The following DPP10 variants were observed in gnomAD, a reference collection of about 807,000 sequenced individuals.
DPP10 encodes the protein dipeptidyl peptidase like 10.
Under a neutral mutation model 120.9 loss-of-function variants are expected in DPP10, and 33 were observed. The ratio of observed to expected loss-of-function variants is 0.27; its 90% CI spans 0.21 to 0.37. DPP10 has a LOEUF of 0.37. Among genes scored for constraint, DPP10 ranks in the 10% least tolerant of loss-of-function variants. The probability of loss-of-function intolerance (pLI) is 1.00; values close to 1 mark genes in which losing one functional copy is unlikely to be tolerated. For missense variants in DPP10, 816 were observed against 942.8 expected, an observed-to-expected ratio of 0.87 and a Z score of 1.76; for synonymous variants, 337 against 326.1, an observed-to-expected ratio of 1.03 and a Z score of -0.36.
intron 1 of DPP10, among the ~76,000 whole-genome samples, chr2:114,728,321 G>C (rs60073272): frequency 1.3e-5 from 2 of 152,154 alleles, no homozygotes; most frequent in Admixed American, 1.3e-4. Flanking sequence ...TGGGACAGCA[G>C]AGACTTGTCA....
intron 1 of DPP10, among the ~76,000 whole-genome samples, chr2:114,823,961 T>A (rs536217435): frequency 3.3e-5 from 5 of 152,296 alleles, no homozygotes; most frequent in African/African-American, 1.2e-4. Flanking sequence ...GAGGAAGGCA[T>A]GTAGAATCAT....
At chr2:114,754,625 G>A (rs905536053) in intron 1 of DPP10, among the ~76,000 whole-genome samples, 2 of 152,142 alleles carry the variant, frequency 1.3e-5, no homozygotes, top group Non-Finnish European at 2.9e-5. Flanking sequence ...ATCTCAAAGG[G>A]TGGAGGCTGG....
At chr2:115,318,635 T>C (rs1206564524) in intron 2 of DPP10, among the ~76,000 whole-genome samples, 3 of 152,114 alleles carry the variant, frequency 2.0e-5, no homozygotes, top group Non-Finnish European at 1.5e-5. Flanking sequence ...AAGTTTTTCA[T>C]ACTTGGTTAA....
At position 114,560,849 on chromosome 2, in the gene DPP10, G is replaced by A. The variant is rs773460424; in HGVS notation, c.60+118011G>A. Among the ~76,000 whole-genome samples, 8 of 152,328 alleles carry A rather than the reference G, an allele frequency of 5.3e-5. 1 individual carries two copies. The East Asian group carries it at 1.2e-3, about 22-fold the overall frequency. On this transcript the variant is annotated intron_variant, in intron 1 of 25. Coordinates refer to ENST00000410059, the MANE Select transcript of DPP10 (RefSeq NM_020868.6). ...GGGTTCTATAAATGGGTCCACAAGC[G>A]TATGTTTGATTCACTATACTTCATG...
chr2:115,837,925 A>G (rs989622780), intron 24 of DPP10, among the ~76,000 whole-genome samples: 9 of 152,176 alleles, frequency 5.9e-5, no homozygotes, highest in Admixed American at 5.2e-4. Context: ...GGGATTCTGA[A>G]TGGAACCCTG....
intron 1 of DPP10, among the ~76,000 whole-genome samples, chr2:114,702,551 A>G (rs993732959): frequency 3.3e-4 from 50 of 152,100 alleles, no homozygotes; most frequent in African/African-American, 1.1e-3. Context: ...GAAAGATCAC[A>G]TGCTGCCCTG....
At chr2:115,790,180 C>A (rs113438976) in intron 17 of DPP10, among the ~76,000 whole-genome samples, 1 of 151,382 alleles carries the variant, frequency 6.6e-6, no homozygotes, top group South Asian at 2.1e-4. Flanking sequence ...CCCGGGTTCA[C>A]GCCATTCTCC....
chr2:114,982,775 ATT>A (rs112053500), intron 1 of DPP10, among the ~76,000 whole-genome samples: 2 of 139,648 alleles, frequency 1.4e-5, no homozygotes. Context: ...TAATTTTTGC[ATT>A]TTTTTTTTTT....
chr2:114,723,959 G>A (rs1032531830), intron 1 of DPP10, among the ~76,000 whole-genome samples: 12 of 152,084 alleles, frequency 7.9e-5, no homozygotes, highest in African/African-American at 2.2e-4. Context: ...AAAAGGATAG[G>A]CCCAACAAAA....
At chr2:115,181,144 T>G (rs1185423356) in intron 1 of DPP10, among the ~76,000 whole-genome samples, 1 of 152,170 alleles carries the variant, frequency 6.6e-6, no homozygotes, top group Non-Finnish European at 1.5e-5. Context: ...AAAAAATAAT[T>G]TACAGACAAA....
intron 1 of DPP10, among the ~76,000 whole-genome samples, chr2:114,709,794 C>T (rs1389977969): frequency 6.6e-6 from 1 of 152,098 alleles, no homozygotes; most frequent in Non-Finnish European, 1.5e-5. Context: ...CTCTCATTTC[C>T]TCCTTGCAGA....
intron 1 of DPP10, among the ~76,000 whole-genome samples, chr2:114,867,724 GAAGT>G (rs1159004504): frequency 6.6e-6 from 1 of 152,238 alleles, no homozygotes; most frequent in African/African-American, 2.4e-5. Context: ...GTCATGGAAG[GAAGT>G]GAGGATCTCC....
rs1413961337 is a variant in DPP10 at position 115,814,924 on chromosome 2, T to C, written c.1832T>C (p.Ile611Thr). The C allele has an allele frequency of 3.1e-6, 5 of 1,612,374 alleles. No individual in the cohort carries two copies. Among genetic ancestry groups the C allele is most frequent in the Non-Finnish European group, 4.2e-6 (5 of 1,178,794 alleles). The change falls in exon 20 of 26, where the codon ATT (isoleucine) becomes ACT (threonine). Residue 611 changes from isoleucine (I) to threonine (T), a missense_variant. Around this residue, in one of 3 missense-constraint regions of DPP10, gnomAD observed 592 missense variants for 649.0 expected, o/e 0.91. Coordinates refer to ENST00000410059, the MANE Select transcript of DPP10 (RefSeq NM_020868.6). ...GGAAGTGGATTCCAGGGTCTGAAAA[T>C]TTTGCAGGAGATTCATCGAAGATTA... is the stretch of plus-strand genomic sequence containing the variant. The part of the protein sequence containing the change: ...GRGSGFQGLK[I>T]LQEIHRRLGS...
chr2:114,835,020 T>C (rs1360900442), intron 1 of DPP10, among the ~76,000 whole-genome samples: 1 of 150,334 alleles, frequency 6.7e-6, no homozygotes, highest in Non-Finnish European at 1.5e-5. Context: ...AAAAGACATA[T>C]CTACACACCT....
intron 1 of DPP10, among the ~76,000 whole-genome samples, chr2:114,920,590 A>C (rs1455006737): frequency 6.6e-6 from 1 of 152,236 alleles, no homozygotes; most frequent in East Asian, 1.9e-4. Flanking sequence ...AAAAGAGTGA[A>C]AGTGTGGTTT....
chr2:114,515,513 G>A, intron 1 of DPP10, among the ~76,000 whole-genome samples: 1 of 147,478 alleles, frequency 6.8e-6, no homozygotes, highest in Non-Finnish European at 1.5e-5. Context: ...GCTCACGTAG[G>A]TCTCAAATAA....
At chr2:114,722,543 G>A (rs955872766) in intron 1 of DPP10, among the ~76,000 whole-genome samples, 7 of 152,008 alleles carry the variant, frequency 4.6e-5, no homozygotes, top group Admixed American at 6.5e-5. Flanking sequence ...TTGGGAGGCC[G>A]AGGCGGGTGG....
At chr2:115,118,044 T>G (rs754758587) in intron 1 of DPP10, among the ~76,000 whole-genome samples, 4 of 152,212 alleles carry the variant, frequency 2.6e-5, no homozygotes, top group Non-Finnish European at 4.4e-5. Context: ...AAGAAAAATC[T>G]TTTTCACCAA....
chr2:115,706,931 A>G (rs1237776733), intron 7 of DPP10, among the ~76,000 whole-genome samples: 3 of 151,982 alleles, frequency 2.0e-5, no homozygotes, highest in African/African-American at 4.8e-5. Flanking sequence ...GTGGTGTGGT[A>G]GAGGAGCTCT....
Sources: allele counts gnomAD v4.1 joint callset (sites outside exome capture counted in the v4.1 genomes callset), GRCh38; gene constraint gnomAD v4.1.1; regional missense constraint gnomAD v4.1.1; transcripts MANE v1.5; gene names NCBI Gene and HGNC (gene_info 2026-07-23, HGNC 2026-07-21).